The following RGS6 variants were observed in gnomAD, a reference collection of about 807,000 sequenced individuals.
RGS6 encodes regulator of G protein signaling 6, also known as regulator of G-protein signaling 6.
A neutral mutation model predicts 78.5 loss-of-function variants in RGS6; 30 were observed. The ratio of observed to expected loss-of-function variants is 0.38; its 90% CI spans 0.29 to 0.52. The LOEUF is 0.52. Ranked by LOEUF, RGS6 falls within the 20% of genes least tolerant of loss-of-function variation. The probability of loss-of-function intolerance (pLI) is 0.85; values close to 1 mark genes in which losing one functional copy is unlikely to be tolerated. For missense variants in RGS6, 495 were observed against 609.7 expected, an observed-to-expected ratio of 0.81 and a Z score of 1.98; for synonymous variants, 206 against 206.0, an observed-to-expected ratio of 1.00 and a Z score of 0.00.
chr14:72,201,785 G>T (rs2041640642), intron 2 of RGS6, among the ~76,000 whole-genome samples: 2 of 152,108 alleles, frequency 1.3e-5, no homozygotes, highest in Non-Finnish European at 2.9e-5. Flanking sequence ...ACACAGAAAT[G>T]CCCACTCATT....
chr14:72,330,429 C>T (rs888008497), intron 2 of RGS6, among the ~76,000 whole-genome samples: 2 of 152,134 alleles, frequency 1.3e-5, no homozygotes, highest in East Asian at 3.9e-4. Flanking sequence ...AAGAAGTTCT[C>T]GAGAACCAGC....
intron 12 of RGS6, among the ~76,000 whole-genome samples, chr14:72,482,019 T>C (rs2096390908): frequency 6.6e-6 from 1 of 151,920 alleles, no homozygotes; most frequent in Non-Finnish European, 1.5e-5. Context: ...ACCATGTTAG[T>C]CAGGATGGTC....
chr14:72,423,636 C>T lies in RGS6; in HGVS notation c.185-30892C>T, dbSNP rs748835205. Among the ~76,000 whole-genome samples, 139 of 126,790 alleles carry T rather than the reference C, an allele frequency of 1.1e-3. 1 individual carries two copies. Among genetic ancestry groups the T allele is most frequent in the Middle Eastern group, 8.0e-3 (2 of 250 alleles). The allele number at this position is 126,790 out of a possible 152,430, so 83.2% of individuals were successfully genotyped here. On this transcript the variant is annotated intron_variant, in intron 3 of 17. Transcript: ENST00000553525. ...GCTAAACATTGGGTCCTCATGGACACGAAGATAATAGTAACTGACACTGAA... is the reference window on the plus strand; with the variant it reads ...GCTAAACATTGGGTCCTCATGGACATGAAGATAATAGTAACTGACACTGAA...
chr14:72,450,270 T>G (rs968992573), intron 3 of RGS6, among the ~76,000 whole-genome samples: 7 of 152,194 alleles, frequency 4.6e-5, no homozygotes, highest in Non-Finnish European at 7.3e-5. Flanking sequence ...ATTGCATGAA[T>G]GAGCCATAAT....
intron 2 of RGS6, among the ~76,000 whole-genome samples, chr14:72,188,090 A>G (rs1300575312): frequency 6.6e-6 from 1 of 151,750 alleles, no homozygotes. Context: ...CCTACTGTCC[A>G]GTGTTCCTAA....
At chr14:72,405,829 G>C (rs143746212) in intron 3 of RGS6, among the ~76,000 whole-genome samples, 101 of 152,264 alleles carry the variant, frequency 6.6e-4, no homozygotes, top group African/African-American at 2.4e-3. Context: ...TCTATTTCCT[G>C]AAATGTAATC....
chr14:71,985,312 C>CG (rs1239309533), intron 2 of RGS6, among the ~76,000 whole-genome samples: 1 of 152,016 alleles, frequency 6.6e-6, no homozygotes, highest in Non-Finnish European at 1.5e-5. Flanking sequence ...TTAGTAGAGA[C>CG]GGGGTCTCAC....
the RGS6 span, among the ~76,000 whole-genome samples, chr14:71,882,738 A>G: frequency 6.6e-6 from 1 of 152,270 alleles, no homozygotes; most frequent in African/African-American, 2.4e-5. Flanking sequence ...CTTTCAGGAT[A>G]TTTAATAGGT....
At chr14:72,149,885 T>C (rs1028061018) in intron 2 of RGS6, among the ~76,000 whole-genome samples, 6 of 152,190 alleles carry the variant, frequency 3.9e-5, no homozygotes, top group African/African-American at 1.2e-4. Flanking sequence ...TATGGTTCCC[T>C]TCGGAGGTAT....
intron 3 of RGS6, among the ~76,000 whole-genome samples, chr14:72,432,380 G>T (rs893935038): frequency 6.6e-6 from 1 of 152,166 alleles, no homozygotes; most frequent in Admixed American, 6.5e-5. Flanking sequence ...TTTAAGGAGG[G>T]AGGGAGACAG....
chr14:72,050,354 G>A (rs986334751), intron 2 of RGS6, among the ~76,000 whole-genome samples: 2 of 152,048 alleles, frequency 1.3e-5, no homozygotes, highest in African/African-American at 4.8e-5. Flanking sequence ...TAATTAACCT[G>A]TATGCAAAGC....
intron 14 of RGS6, among the ~76,000 whole-genome samples, chr14:72,512,523 TGCATGTGA>T (rs1439884171): frequency 6.6e-6 from 1 of 152,210 alleles, no homozygotes; most frequent in Non-Finnish European, 1.5e-5. Context: ...GGTGAAAGCA[TGCATGTGA>T]GCATGTGTTC....
At chr14:72,182,980 G>A (rs933526475) in intron 2 of RGS6, among the ~76,000 whole-genome samples, 12 of 152,202 alleles carry the variant, frequency 7.9e-5, no homozygotes, top group African/African-American at 2.9e-4. Context: ...GACCCACCCC[G>A]GGCTAGCACC....
At chr14:72,159,829 A>C (rs1250044939) in intron 2 of RGS6, among the ~76,000 whole-genome samples, 1 of 152,168 alleles carries the variant, frequency 6.6e-6, no homozygotes, top group Non-Finnish European at 1.5e-5. Context: ...AGAAATCTCT[A>C]TTCTCTTAGT....
At chr14:72,299,143 A>G (rs1487492907) in intron 2 of RGS6, among the ~76,000 whole-genome samples, 3 of 152,190 alleles carry the variant, frequency 2.0e-5, no homozygotes, top group Non-Finnish European at 4.4e-5. Flanking sequence ...TAGAGATATA[A>G]CTCACATATA....
rs150085601 is a variant in RGS6 at position 72,310,423 on chromosome 14, C to T, written c.85-41672C>T. ...GTGAGCCGATTCCTAGGCCCCTTGA[C>T]CTTTGCTCCAACATGTCTGCTGCCC... On this transcript the variant is annotated intron_variant, in intron 2 of 17. Transcript: ENST00000553525. Among the ~76,000 whole-genome samples, 445 of 152,340 alleles carry T rather than the reference C, an allele frequency of 2.9e-3. 2 individuals are homozygous for T. The highest frequency in any genetic ancestry group is 0.01 in the African/African-American group (427 of 41,570).
intron 5 of RGS6, among the ~76,000 whole-genome samples, 161 bp downstream of exon 5, chr14:72,458,538 G>A (rs985529539): frequency 6.6e-6 from 1 of 152,190 alleles, no homozygotes; most frequent in Non-Finnish European, 1.5e-5. Flanking sequence ...GCCACTGGGT[G>A]ACCCACTTAG....
At chr14:72,501,751 G>T (rs1391599438) in intron 13 of RGS6, among the ~76,000 whole-genome samples, 1 of 152,184 alleles carries the variant, frequency 6.6e-6, no homozygotes, top group Non-Finnish European at 1.5e-5. Context: ...TTTGTGATTT[G>T]CTCTCTCCGC....
At chr14:72,152,609 G>C (rs2096711052) in intron 2 of RGS6, among the ~76,000 whole-genome samples, 1 of 152,168 alleles carries the variant, frequency 6.6e-6, no homozygotes. Context: ...TTACCAGTAA[G>C]ATATGTCAGG....
Sources: allele counts gnomAD v4.1 joint callset (sites outside exome capture counted in the v4.1 genomes callset), GRCh38; gene constraint gnomAD v4.1.1; transcripts MANE v1.5; gene names NCBI Gene and HGNC (gene_info 2026-07-23, HGNC 2026-07-21).